PHC3: variants seen among roughly 807,000 people sequenced by gnomAD.
PHC3 encodes polyhomeotic homolog 3, also known as polyhomeotic-like protein 3.
A neutral mutation model predicts 107.4 loss-of-function variants in PHC3; 13 were observed. That is an observed-to-expected ratio of 0.12 (90% CI 0.08 to 0.19). The LOEUF (loss-of-function observed/expected upper bound fraction) is 0.19. PHC3 is among the 10% of genes least tolerant of loss of function. PHC3 has a pLI of 1.00. For missense variants in PHC3, 992 were observed against 1,210.9 expected, an observed-to-expected ratio of 0.82 and a Z score of 2.68; for synonymous variants, 456 against 427.4, an observed-to-expected ratio of 1.07 and a Z score of -0.83.
At chr3:170,128,298 G>C in intron 8 of PHC3, 2 of 1,158,030 alleles carry the variant, frequency 1.7e-6, no homozygotes, top group Non-Finnish European at 2.2e-6. Flanking sequence ...TACGTTTTGA[G>C]AACATACAAG....
chr3:170,137,186 T>C (rs531628109), intron 6 of PHC3, among the ~76,000 whole-genome samples: 10 of 152,314 alleles, frequency 6.6e-5, no homozygotes, highest in Admixed American at 2.0e-4. Context: ...GAAAAGCATT[T>C]TCAAGCAACT....
At chr3:170,178,745 A>AAGT in intron 2 of PHC3, 28 bp downstream of exon 2, 1 of 1,610,032 alleles carries the variant, frequency 6.2e-7, no homozygotes, top group Non-Finnish European at 8.5e-7. Flanking sequence ...CTTAAGTCTT[A>AAGT]GACTACCCAT....
chr3:170,090,923 C>CA lies in PHC3; in HGVS notation c.*6306dup, dbSNP rs1004995692. 3.3e-5 allele frequency: 5 copies of CA among 152,020 alleles called. No individual in the cohort carries two copies. The highest frequency in any genetic ancestry group is 9.7e-5 in the African/African-American group (4 of 41,394). 9.4% of individuals were successfully genotyped at this position (152,020 alleles called of 1,614,324 possible). ...ACTGATTATTTAATACTACCCAAAACAAAAAATACTTTTAAGAGAAGCATT... is the reference window on the plus strand; with the variant it reads ...ACTGATTATTTAATACTACCCAAAACAAAAAAATACTTTTAAGAGAAGCATT... On this transcript the variant is annotated 3_prime_UTR_variant, in exon 15 of 15. Coordinates refer to ENST00000495893, the MANE Select transcript of PHC3 (RefSeq NM_024947.4).
chr3:170,176,933 T>C (rs1464679995), intron 2 of PHC3: 3 of 454,704 alleles, frequency 6.6e-6, no homozygotes, highest in South Asian at 4.7e-5. Context: ...CTCCTAAAGA[T>C]AATGAAAATG....
chr3:170,146,364 G>A (rs1234935120), intron 5 of PHC3, among the ~76,000 whole-genome samples: 1 of 143,704 alleles, frequency 7.0e-6, no homozygotes, highest in African/African-American at 2.6e-5. Flanking sequence ...GACAGAGCAA[G>A]ACTCCATCTC....
intron 14 of PHC3, 106 bp downstream of exon 14, chr3:170,102,373 C>T (rs1400543340): frequency 6.7e-7 from 1 of 1,503,748 alleles, no homozygotes; most frequent in Non-Finnish European, 8.9e-7. Context: ...TATACATATA[C>T]ACAGTACTTC....
intron 4 of PHC3, chr3:170,170,558 T>C (rs1470186136): frequency 6.6e-6 from 1 of 151,946 alleles, no homozygotes; most frequent in African/African-American, 2.4e-5. Context: ...AATTTTTCTG[T>C]GGCTTCAAAA....
Position 170,096,127 on chromosome 3 carries a change from AGT to A in PHC3, c.*1101_*1102del, listed in dbSNP as rs1714612323. 2 of 152,306 alleles carry A rather than the reference AGT, an allele frequency of 1.3e-5. No individual in the cohort carries two copies. The highest frequency in any genetic ancestry group is 4.1e-4 in the South Asian group (2 of 4,830). 9.4% of individuals were successfully genotyped at this position (152,306 alleles called of 1,614,324 possible). ...GTATGAAAGATAATCAGAATGAATT[AGT>A]ACTTTCTGAGAGTTAAATTATTTGC... On this transcript the variant is annotated 3_prime_UTR_variant, in exon 15 of 15. Transcript: ENST00000495893.
chr3:170,114,813 T>G (rs916430162), intron 10 of PHC3, among the ~76,000 whole-genome samples: 1 of 152,194 alleles, frequency 6.6e-6, no homozygotes, highest in Non-Finnish European at 1.5e-5. Context: ...CTGCCACATA[T>G]GGGGAACAAC....
At position 170,097,546 on chromosome 3, in the gene PHC3, A is replaced by ATAGAG. The variant is rs1228862624; in HGVS notation, c.2834-167_2834-163dup. On this transcript the variant is annotated intron_variant, in intron 14 of 14. Coordinates refer to ENST00000495893, the MANE Select transcript of PHC3 (RefSeq NM_024947.4). This position sits in a 1 kb window ranked among gnomAD's most constrained non-coding sequence, Gnocchi z 4.1. ...GTAGTCTTGAGTTCACTCTTGAAGAATAGAGTATTTGCATTCTGAAAATAA... is the reference window on the plus strand; with the variant it reads ...GTAGTCTTGAGTTCACTCTTGAAGAATAGAGTAGAGTATTTGCATTCTGAAAATAA... Among the ~76,000 whole-genome samples, 1 of 152,226 alleles carries ATAGAG rather than the reference A, an allele frequency of 6.6e-6. No individual in the cohort carries two copies. The highest frequency in any genetic ancestry group is 6.5e-5 in the Admixed American group (1 of 15,280).
chr3:170,106,570 A>C (rs1019164851), intron 12 of PHC3, among the ~76,000 whole-genome samples: 3 of 152,206 alleles, frequency 2.0e-5, no homozygotes, highest in African/African-American at 7.2e-5. Context: ...TTACTACTTT[A>C]ATATTAGATT....
chr3:170,092,316 A>C lies in PHC3; in HGVS notation c.*4914T>G, dbSNP rs918166898. 6.6e-6 allele frequency: 1 copy of C among 152,052 alleles called. No individual in the cohort carries two copies. The highest frequency in any genetic ancestry group is 1.5e-5 in the Non-Finnish European group (1 of 67,954). The allele number at this position is 152,052 out of a possible 1,614,324, so 9.4% of individuals were successfully genotyped here. On this transcript the variant is annotated 3_prime_UTR_variant, in exon 15 of 15. Coordinates refer to ENST00000495893, the MANE Select transcript of PHC3 (RefSeq NM_024947.4). ...TGCCCAGCCCCAAATAATTTCTTTT[A>C]AGATATACAGCTTAACAAGTTGAAA...
intron 4 of PHC3, among the ~76,000 whole-genome samples, chr3:170,164,251 T>G (rs1179611825): frequency 6.6e-6 from 1 of 152,158 alleles, no homozygotes; most frequent in Admixed American, 6.5e-5. Flanking sequence ...AACAAAACTT[T>G]GTGAGAGAAA....
intron 11 of PHC3, among the ~76,000 whole-genome samples, chr3:170,109,392 C>CCCT (rs1717187556): frequency 6.6e-6 from 1 of 152,052 alleles, no homozygotes; most frequent in African/African-American, 2.4e-5. Flanking sequence ...GAAGATCAGC[C>CCCT]ATCTTGGAAA....
At chr3:170,178,710 G>A (rs1188557450) in intron 2 of PHC3, 63 bp downstream of exon 2, 4 of 1,538,826 alleles carry the variant, frequency 2.6e-6, no homozygotes, top group African/African-American at 1.4e-5. Flanking sequence ...CATAAATCCA[G>A]CTTAAGCAAA....
intron 5 of PHC3, 104 bp from the exon 6 acceptor site, chr3:170,145,625 T>C (rs1724810662): frequency 4.3e-6 from 3 of 698,736 alleles, no homozygotes; most frequent in Non-Finnish European, 6.9e-6. Context: ...AGAAAGACAA[T>C]GCAGTTTAGG....
chr3:170,107,146 C>T (rs1024125726), intron 11 of PHC3, among the ~76,000 whole-genome samples, 200 bp from the exon 12 acceptor site: 4 of 152,106 alleles, frequency 2.6e-5, no homozygotes, highest in Non-Finnish European at 4.4e-5. Context: ...ATAAAAATTA[C>T]AAGGAGTTTC....
At chr3:170,135,133 G>A (rs185027925) in intron 7 of PHC3, among the ~76,000 whole-genome samples, 1 of 151,700 alleles carries the variant, frequency 6.6e-6, no homozygotes, top group East Asian at 1.9e-4. Context: ...TGGAACAAAG[G>A]AAGTTTTTTG....
intron 4 of PHC3, among the ~76,000 whole-genome samples, chr3:170,163,037 C>T (rs1728142717): frequency 6.6e-6 from 1 of 152,146 alleles, no homozygotes; most frequent in African/African-American, 2.4e-5. Flanking sequence ...CATCATCTGA[C>T]ATACTACGTA....
Sources: allele counts gnomAD v4.1 joint callset (sites outside exome capture counted in the v4.1 genomes callset), GRCh38; gene constraint gnomAD v4.1.1; non-coding constraint Gnocchi (gnomAD v3.1); transcripts MANE v1.5; gene names NCBI Gene and HGNC (gene_info 2026-07-23, HGNC 2026-07-21).